AIG1: variants seen among roughly 807,000 people sequenced by gnomAD.
AIG1 encodes the protein androgen-induced gene 1 protein.
Under a neutral mutation model 31.4 loss-of-function variants are expected in AIG1, and 23 were observed. That is an observed-to-expected ratio of 0.73 (90% CI 0.53 to 1.04). The LOEUF is 1.04. Among genes scored for constraint, AIG1 ranks in the 50% least tolerant of loss-of-function variants. The probability of loss-of-function intolerance (pLI) is 0.00; values close to 1 mark genes in which losing one functional copy is unlikely to be tolerated. For missense variants in AIG1, 274 were observed against 295.0 expected (o/e 0.93, Z 0.52); for synonymous variants, 100 against 110.5 (o/e 0.90, Z 0.60).
At chr6:143,164,909 A>G in intron 2 of AIG1, 173 bp from the exon 3 acceptor site, 1 of 519,280 alleles carries the variant, frequency 1.9e-6, no homozygotes, top group Non-Finnish European at 3.5e-6. Context: ...CTTACCTTTT[A>G]CTGCTAATGG....
intron 1 of AIG1, among the ~76,000 whole-genome samples, chr6:143,108,674 A>T (rs188991158): frequency 4.3e-4 from 65 of 152,288 alleles, no homozygotes; most frequent in African/African-American, 1.3e-3. Context: ...TAGGTATTTA[A>T]CTTTCTAAGA....
In AIG1 at chr6:143,268,049, T is replaced by C. The variant is rs893894577; in HGVS notation, c.400-16061T>C. ...GCACAATGTTGTAATACTGTTGATC[T>C]CATGCTGATCTGAAGCTGGCCAAAA... On this transcript the variant is annotated intron_variant, in intron 3 of 5. Transcript: ENST00000357847. The surrounding 1 kb of genome is among the most constrained non-coding windows in gnomAD (Gnocchi z 5.0). 2.0e-5 allele frequency among the ~76,000 whole-genome samples: 3 copies of C among 152,216 alleles called. No individual in the cohort carries two copies. Among genetic ancestry groups the C allele is most frequent in the African/African-American group, 7.2e-5 (3 of 41,462 alleles).
chr6:143,195,711 AG>A (rs1304171946), intron 3 of AIG1, among the ~76,000 whole-genome samples: 6 of 151,984 alleles, frequency 3.9e-5, no homozygotes, highest in African/African-American at 1.4e-4. Flanking sequence ...GGAGGAGTGC[AG>A]GGTAGCTGAG....
intron 3 of AIG1, among the ~76,000 whole-genome samples, chr6:143,216,478 A>G (rs1250379908): frequency 2.6e-5 from 4 of 152,200 alleles, no homozygotes; most frequent in African/African-American, 9.7e-5. Context: ...GGCTGCCTGG[A>G]TGATAGCTTA....
intron 1 of AIG1, among the ~76,000 whole-genome samples, chr6:143,093,409 C>G (rs529402449): frequency 6.6e-6 from 1 of 152,294 alleles, no homozygotes; most frequent in East Asian, 1.9e-4. Flanking sequence ...GAGTTAGGAC[C>G]TTGCTCTGGA....
intron 1 of AIG1, among the ~76,000 whole-genome samples, chr6:143,093,207 T>A (rs1779462498): frequency 6.6e-6 from 1 of 152,192 alleles, no homozygotes; most frequent in African/African-American, 2.4e-5. Context: ...ATTGCAGTCA[T>A]CTTCAGCAAT....
rs1777032603 is a variant in AIG1 at position 143,331,061 on chromosome 6, G to T, written c.516-2221G>T. 6.6e-6 allele frequency among the ~76,000 whole-genome samples: 1 copy of T among 152,018 alleles called. No individual in the cohort carries two copies. Among genetic ancestry groups the T allele is most frequent in the Admixed American group, 6.6e-5 (1 of 15,262 alleles). On this transcript the variant is annotated intron_variant, in intron 4 of 5. Coordinates refer to ENST00000357847, the MANE Select transcript of AIG1 (RefSeq NM_016108.4). The surrounding 1 kb of genome is among the most constrained non-coding windows in gnomAD (Gnocchi z 4.1). ...ATTGAGACTGACCTGGACAGACCTA[G>T]AGAATGCCTCTTTGCTGTAAGATTG...
chr6:143,101,231 G>A (rs1211593962), intron 1 of AIG1, among the ~76,000 whole-genome samples: 1 of 152,078 alleles, frequency 6.6e-6, no homozygotes, highest in Non-Finnish European at 1.5e-5. Flanking sequence ...GCATATAGTA[G>A]CATCTCGGAG....
At chr6:143,300,388 C>T (rs1475380340) in intron 4 of AIG1, among the ~76,000 whole-genome samples, 6 of 152,112 alleles carry the variant, frequency 3.9e-5, no homozygotes, top group Admixed American at 2.6e-4. Flanking sequence ...CCACATTTGG[C>T]GCTCCACTCT....
intron 1 of AIG1, among the ~76,000 whole-genome samples, chr6:143,095,408 CTGGCAAAGTTTGAGGTTT>C (rs1160969623): frequency 6.6e-6 from 1 of 152,090 alleles, no homozygotes; most frequent in Non-Finnish European, 1.5e-5. Flanking sequence ...TGGACTCATC[CTGGCAAAGTTTGAGGTTT>C]AAAATAATGA....
chr6:143,120,516 G>A (rs570833558), intron 1 of AIG1, among the ~76,000 whole-genome samples: 34 of 152,288 alleles, frequency 2.2e-4, no homozygotes, highest in African/African-American at 6.7e-4. Flanking sequence ...GGAAGAGAGT[G>A]TGTGCAGGGG....
chr6:143,126,689 C>T (rs918510874), intron 1 of AIG1, among the ~76,000 whole-genome samples: 1 of 152,050 alleles, frequency 6.6e-6, no homozygotes, highest in East Asian at 1.9e-4. Context: ...GAACTGAAAA[C>T]AAAATAACTT....
chr6:143,248,437 T>C (rs1280290197), intron 3 of AIG1, among the ~76,000 whole-genome samples: 1 of 152,168 alleles, frequency 6.6e-6, no homozygotes, highest in Non-Finnish European at 1.5e-5. Flanking sequence ...AGCTATAGCT[T>C]GTTGCTTTAA....
In AIG1 at chr6:143,329,925, A is replaced by G. The variant is rs1005643604; in HGVS notation, c.516-3357A>G. ...TCGAGACCATATGGGAATATTTACT[A>G]TCTGGTTCTTTACAGAAAAGGTTTC... On this transcript the variant is annotated intron_variant, in intron 4 of 5. Transcript: ENST00000357847. This position sits in a 1 kb window ranked among gnomAD's most constrained non-coding sequence, Gnocchi z 4.9. 1.3e-5 allele frequency among the ~76,000 whole-genome samples: 2 copies of G among 152,156 alleles called. No homozygotes were observed. Among genetic ancestry groups the G allele is most frequent in the Non-Finnish European group, 2.9e-5 (2 of 68,028 alleles).
At chr6:143,060,464 G>A (rs1319124303), upstream of AIG1, 1 of 254,666 alleles carries the variant, frequency 3.9e-6, no homozygotes, top group Non-Finnish European at 8.6e-6. Flanking sequence ...CACTCCTTCA[G>A]TCTAGGTTCC....
intron 3 of AIG1, among the ~76,000 whole-genome samples, chr6:143,250,759 G>C (rs1794953026): frequency 6.6e-6 from 1 of 152,092 alleles, no homozygotes; most frequent in Non-Finnish European, 1.5e-5. Context: ...TGCGGCCCAG[G>C]ACAGCTTTGA....
chr6:143,190,519 T>C, intron 3 of AIG1: 1 of 985,122 alleles, frequency 1.0e-6, no homozygotes, highest in Non-Finnish European at 1.2e-6. Context: ...CAGAATTTCA[T>C]TGTCCTGTTC....
chr6:143,116,576 G>A (rs1030027763), intron 1 of AIG1, among the ~76,000 whole-genome samples: 2 of 151,500 alleles, frequency 1.3e-5, no homozygotes, highest in East Asian at 1.9e-4. Context: ...GGGGAGGAGA[G>A]GTGGCATGTT....
chr6:143,083,361 C>T lies in AIG1; in HGVS notation c.141+22295C>T, dbSNP rs74346879. 4.3e-4 allele frequency among the ~76,000 whole-genome samples: 65 copies of T among 152,282 alleles called. No individual in the cohort carries two copies. The East Asian group carries it at 9.8e-3, about 23-fold the overall frequency. On this transcript the variant is annotated intron_variant, in intron 1 of 5. Coordinates refer to ENST00000357847, the MANE Select transcript of AIG1 (RefSeq NM_016108.4). ...AACAGATAGGGGCTATCCCTGAACC[C>T]TTGGGGTAAAACAGTCCAGGTGAGT...
Sources: allele counts gnomAD v4.1 joint callset (sites outside exome capture counted in the v4.1 genomes callset), GRCh38; gene constraint gnomAD v4.1.1; non-coding constraint Gnocchi (gnomAD v3.1); transcripts MANE v1.5; gene names NCBI Gene and HGNC (gene_info 2026-07-23, HGNC 2026-07-21).